Variants in LARP1B observed in about 807,000 individuals in gnomAD.
LARP1B encodes the protein La ribonucleoprotein 1B.
In LARP1B, 76 loss-of-function variants were observed where a neutral mutation model predicts 114.2. The observed-to-expected ratio is 0.67, with a 90% CI of 0.55 to 0.81. The LOEUF (loss-of-function observed/expected upper bound fraction) is 0.81. Among genes scored for constraint, LARP1B ranks in the 30% least tolerant of loss-of-function variants. The pLI, the probability that LARP1B is intolerant of heterozygous loss-of-function variation, is 0.00. For synonymous variants in LARP1B, 345 were observed against 348.0 expected (o/e 0.99, Z 0.10); for missense variants, 1,014 against 1,075.8 (o/e 0.94, Z 0.80).
intron 7 of LARP1B, among the ~76,000 whole-genome samples, chr4:128,221,063 T>C (rs986625479): frequency 1.3e-5 from 2 of 152,208 alleles, no homozygotes; most frequent in Non-Finnish European, 2.9e-5. Context: ...TGGATTCTTG[T>C]GGTTAAGACT....
chr4:128,103,546 G>A (rs986216537), intron 8 of LARP1B, among the ~76,000 whole-genome samples: 2 of 146,380 alleles, frequency 1.4e-5, no homozygotes, highest in African/African-American at 5.0e-5. Context: ...TACAATGTTT[G>A]TTATGCCCCT....
At chr4:128,082,554 C>T (rs1322853427) in intron 5 of LARP1B, among the ~76,000 whole-genome samples, 2 of 152,096 alleles carry the variant, frequency 1.3e-5, no homozygotes, top group East Asian at 1.9e-4. Flanking sequence ...CCTTTATAGT[C>T]GTCCCCTCCC....
At chr4:128,135,098 AAAAT>A (rs71304333) in intron 11 of LARP1B, among the ~76,000 whole-genome samples, 40,866 of 141,326 alleles carry the variant, frequency 0.29, 5,993 homozygotes, top group Admixed American at 0.32. Flanking sequence ...ACTTCATCTC[AAAAT>A]AAATAAATAA....
At chr4:128,154,798 G>A (rs1209924426) in intron 11 of LARP1B, among the ~76,000 whole-genome samples, 1 of 152,074 alleles carries the variant, frequency 6.6e-6, no homozygotes, top group East Asian at 1.9e-4. Flanking sequence ...TTGAGACGGA[G>A]TTTTTTGCTC....
chr4:128,067,836 A>T (rs1200283582), intron 1 of LARP1B, among the ~76,000 whole-genome samples: 1 of 150,696 alleles, frequency 6.6e-6, no homozygotes, highest in Non-Finnish European at 1.5e-5. Context: ...CAGCCTTCCG[A>T]GTAGCTAGGA....
chr4:128,165,023 A>G (rs1740159809), intron 12 of LARP1B, among the ~76,000 whole-genome samples: 1 of 152,170 alleles, frequency 6.6e-6, no homozygotes, highest in Non-Finnish European at 1.5e-5. Context: ...AGCTAGAACA[A>G]AGAAGTTCAT....
chr4:128,207,199 G>A, intron 18 of LARP1B, 57 bp from the exon 19 acceptor site: 1 of 769,954 alleles, frequency 1.3e-6, no homozygotes, highest in Admixed American at 4.1e-5. Flanking sequence ...TATATTTAAT[G>A]TGAATAATTT....
chr4:128,143,255 G>A (rs868016268), intron 11 of LARP1B, among the ~76,000 whole-genome samples: 14 of 152,090 alleles, frequency 9.2e-5, no homozygotes, highest in South Asian at 2.1e-4. Context: ...ACTGCACTCC[G>A]TGACAGAGCA....
At chr4:128,111,832 C>T (rs1217190014) in intron 9 of LARP1B, among the ~76,000 whole-genome samples, 1 of 151,932 alleles carries the variant, frequency 6.6e-6, no homozygotes, top group East Asian at 1.9e-4. Flanking sequence ...CAGGTGCCTA[C>T]CACCACGCCT....
At chr4:128,080,204 A>T (rs1184043950) in intron 4 of LARP1B, among the ~76,000 whole-genome samples, 1 of 150,810 alleles carries the variant, frequency 6.6e-6, no homozygotes, top group Non-Finnish European at 1.5e-5. Flanking sequence ...GGTGGTCTCG[A>T]GCTCCCAACC....
At chr4:128,139,161 A>G (rs1726800588) in intron 11 of LARP1B, among the ~76,000 whole-genome samples, 1 of 152,060 alleles carries the variant, frequency 6.6e-6, no homozygotes, top group Admixed American at 6.6e-5. Context: ...AAGAAAATAA[A>G]GAAAAATATT....
intron 12 of LARP1B, among the ~76,000 whole-genome samples, chr4:128,171,758 T>C (rs1743841890): frequency 6.6e-6 from 1 of 152,212 alleles, no homozygotes; most frequent in Admixed American, 6.5e-5. Flanking sequence ...CAAGGATATT[T>C]TCACTGGATA....
At chr4:128,131,074 G>A (rs1185611098) in intron 11 of LARP1B, among the ~76,000 whole-genome samples, 1 of 152,172 alleles carries the variant, frequency 6.6e-6, no homozygotes, top group Non-Finnish European at 1.5e-5. Flanking sequence ...GGCAGTGACA[G>A]TATTTTCTAT....
At chr4:128,093,156 A>C in intron 7 of LARP1B, 1 of 358,780 alleles carries the variant, frequency 2.8e-6, no homozygotes, top group South Asian at 1.1e-4. Context: ...CACTAGGTTT[A>C]GTGTGGCTTG....
rs569592324 is a variant in LARP1B, at chr4:128,149,556, A to G, written c.1525-12638A>G. Among the ~76,000 whole-genome samples, 7 of 152,356 alleles carry G rather than the reference A, an allele frequency of 4.6e-5. No homozygotes were observed. In the East Asian group the frequency reaches 1.2e-3, roughly 25 times the overall value. On this transcript the variant is annotated intron_variant, in intron 11 of 19. Coordinates refer to ENST00000326639, the MANE Select transcript of LARP1B (RefSeq NM_018078.4). Reference sequence around the variant, plus strand: ...TGCCAAAATTGGGAAGCGATTTTAAAGAATCTGTTCATAATACCTTGTGAA... The same window carrying G: ...TGCCAAAATTGGGAAGCGATTTTAAGGAATCTGTTCATAATACCTTGTGAA...
intron 19 of LARP1B, among the ~76,000 whole-genome samples, chr4:128,209,568 T>C (rs558064783): frequency 1.3e-5 from 2 of 152,160 alleles, no homozygotes; most frequent in South Asian, 4.2e-4. Context: ...AGGAAGGAAA[T>C]TTAAGTTTAG....
chr4:128,109,764 T>G (rs897590934), intron 9 of LARP1B, among the ~76,000 whole-genome samples: 1 of 151,890 alleles, frequency 6.6e-6, no homozygotes, highest in Admixed American at 6.6e-5. Context: ...TTTTAAAAAG[T>G]GCCACACATA....
chr4:128,081,487 T>C (rs374486746), intron 4 of LARP1B, among the ~76,000 whole-genome samples: 25 of 151,702 alleles, frequency 1.6e-4, no homozygotes, highest in Middle Eastern at 3.4e-3. Flanking sequence ...ATGTTACTTA[T>C]ATTAACATTG....
At chr4:128,115,914 C>G (rs1389870802) in intron 10 of LARP1B, among the ~76,000 whole-genome samples, 4 of 152,234 alleles carry the variant, frequency 2.6e-5, no homozygotes, top group Non-Finnish European at 5.9e-5. Flanking sequence ...CTGCCTTGGC[C>G]TCCCAGAGTG....
Sources: allele counts gnomAD v4.1 joint callset (sites outside exome capture counted in the v4.1 genomes callset), GRCh38; gene constraint gnomAD v4.1.1; transcripts MANE v1.5; gene names NCBI Gene and HGNC (gene_info 2026-07-23, HGNC 2026-07-21).